IGSF10: variants seen among roughly 807,000 people sequenced by gnomAD.
The protein encoded by IGSF10 is calvaria mechanical force protein 608.
In IGSF10, 126 loss-of-function variants were observed where a neutral mutation model predicts 128.2. That is an observed-to-expected ratio of 0.98 (90% CI 0.85 to 1.14). IGSF10 has a LOEUF of 1.14. Among genes scored for constraint, IGSF10 ranks in the 50% most tolerant of loss-of-function variants. The pLI is 0.00. For missense variants in IGSF10, 3,295 were observed against 3,149.8 expected, an observed-to-expected ratio of 1.05 and a Z score of -1.10; for synonymous variants, 1,185 against 1,146.2, an observed-to-expected ratio of 1.03 and a Z score of -0.68.
intron 5 of IGSF10, among the ~76,000 whole-genome samples, chr3:151,452,453 AT>A (rs1166396890): frequency 6.6e-6 from 1 of 152,184 alleles, no homozygotes; most frequent in African/African-American, 2.4e-5. Flanking sequence ...AAGGTAACAT[AT>A]TGCACTACCA....
chr3:151,557,790 A>G, the IGSF10 span, among the ~76,000 whole-genome samples: 2 of 150,890 alleles, frequency 1.3e-5, no homozygotes, highest in Non-Finnish European at 2.9e-5. Flanking sequence ...TGGGATCGTT[A>G]TTTGCTACAA....
rs148107330 is a variant in IGSF10 at position 151,437,085 on chromosome 3, G to C, written c.7476C>G (p.Val2492=). The C allele has an allele frequency of 6.2e-7, 1 of 1,614,122 alleles. No individual in the cohort carries two copies. Among genetic ancestry groups the C allele is most frequent in the African/African-American group, 1.3e-5 (1 of 75,038 alleles). The change falls in exon 8 of 8, where the codon GTC becomes GTG. Residue 2492 remains valine (V), a synonymous_variant. Coordinates refer to ENST00000282466, the MANE Select transcript of IGSF10 (RefSeq NM_178822.5). ...TGTCATAAGCTGTTGCTTCTTTAAT[G>C]ACTAAGGTGCCATTGTCATGCAATA... ...KYILHDNGTL[V]IKEATAYDRG...
At chr3:151,602,934 C>T in the IGSF10 span, among the ~76,000 whole-genome samples, 1 of 152,156 alleles carries the variant, frequency 6.6e-6, no homozygotes, top group African/African-American at 2.4e-5. Context: ...TCAGGTAAAG[C>T]GGTTGAAGGA....
the IGSF10 span, among the ~76,000 whole-genome samples, chr3:151,548,965 A>T: frequency 6.6e-6 from 1 of 152,158 alleles, no homozygotes; most frequent in African/African-American, 2.4e-5. Flanking sequence ...TCTAAAATGT[A>T]TGCAATTTTT....
the IGSF10 span, among the ~76,000 whole-genome samples, chr3:151,527,776 CCT>C: frequency 6.8e-6 from 1 of 148,042 alleles, no homozygotes; most frequent in Non-Finnish European, 1.5e-5. Flanking sequence ...ATGGTGACAC[CCT>C]GTCTCTACAA....
In IGSF10 at chr3:151,453,549, T is replaced by G; in HGVS notation, c.550A>C (p.Ile184Leu). 6.2e-7 allele frequency: 1 copy of G among 1,613,972 alleles called. No homozygotes were observed. The highest frequency in any genetic ancestry group is 8.5e-7 in the Non-Finnish European group (1 of 1,179,914). Residue 184 changes from isoleucine (I) to leucine (L), a missense_variant, in exon 5 of 8, where the codon ATC (isoleucine) becomes CTC (leucine). By Grantham distance (5) the Ile-to-Leu change is conservative. Transcript: ENST00000282466. ...VSLSYLQIFKISFIKFLYLSD... is the reference protein window; with the variant it reads ...VSLSYLQIFKLSFIKFLYLSD... ...AAGTATAGGAACTTAATGAAAGAGA[T>G]TTTAAATATCTGGAGGTAGCTCAAA... is the stretch of plus-strand genomic sequence containing the variant.
chr3:151,435,062 C>CTTTTTTTTTTTTTTTT (rs66791814), downstream of IGSF10: 7 of 119,080 alleles, frequency 5.9e-5, no homozygotes, highest in African/African-American at 9.2e-5. Context: ...TGAGAGGTTT[C>CTTTTTTTTTTTTTTTT]TTTTTTTTTT....
At chr3:151,493,453 C>T in the IGSF10 span, among the ~76,000 whole-genome samples, 2 of 152,030 alleles carry the variant, frequency 1.3e-5, no homozygotes, top group Non-Finnish European at 2.9e-5. Context: ...ACAGAGGTGC[C>T]ATTTTTAATT....
rs1721387328 is a variant in IGSF10 at position 151,449,164 on chromosome 3, A to G, written c.817T>C (p.Ser273Pro). 6.2e-7 allele frequency: 1 copy of G among 1,614,226 alleles called. No individual in the cohort carries two copies. The highest frequency in any genetic ancestry group is 8.5e-7 in the Non-Finnish European group (1 of 1,180,044). Residue 273 changes from serine to proline, a missense_variant, in exon 6 of 8, where the codon TCA (serine) becomes CCA (proline). Coordinates refer to ENST00000282466, the MANE Select transcript of IGSF10 (RefSeq NM_178822.5). Reference sequence around the variant, plus strand: ...TTGGCACACTGGAAAGCTGCAGCTGAGACCATAGCTAACGGCTTGCCTTTA... The same window carrying G: ...TTGGCACACTGGAAAGCTGCAGCTGGGACCATAGCTAACGGCTTGCCTTTA... The part of the protein sequence containing the change: ...TSKGKPLAMV[S>P]AAAFQCAKPT...
chr3:151,474,814 C>T, the IGSF10 span, among the ~76,000 whole-genome samples: 19 of 151,894 alleles, frequency 1.3e-4, no homozygotes, highest in Non-Finnish European at 1.0e-4. Flanking sequence ...ATGTGGATGG[C>T]AGCAGGCAAA....
chr3:151,577,100 A>AT, the IGSF10 span, among the ~76,000 whole-genome samples: 2 of 152,156 alleles, frequency 1.3e-5, no homozygotes, highest in Admixed American at 1.3e-4. Context: ...CGTTATATTT[A>AT]TTCTGTCCAT....
chr3:151,470,517 C>T, the IGSF10 span, among the ~76,000 whole-genome samples: 1 of 152,200 alleles, frequency 6.6e-6, no homozygotes, highest in South Asian at 2.1e-4. Flanking sequence ...AGAGCCTTTA[C>T]CTTGGGAAGA....
rs199876929 is a variant in IGSF10 at position 151,443,723 on chromosome 3, A to G, written c.5224T>C (p.Ser1742Pro). ...DHLHVTLSVVSYPPRILERRT... is the reference protein window; with the variant it reads ...DHLHVTLSVVPYPPRILERRT... ...CTCTCCAGGATCCTGGGAGGATAGG[A>G]AACCACAGACAAGGTGACATGAAGG... The change falls in exon 7 of 8, where the codon TCC becomes CCC. Residue 1742 changes from serine to proline, a missense_variant. By Grantham distance (74) the Ser-to-Pro change is moderately conservative. Coordinates refer to ENST00000282466, the MANE Select transcript of IGSF10 (RefSeq NM_178822.5). The G allele has an allele frequency of 1.8e-4, 296 of 1,614,066 alleles. 2 individuals carry two copies. Among genetic ancestry groups the G allele is most frequent in the Non-Finnish European group, 2.4e-4 (281 of 1,180,048 alleles).
upstream of IGSF10, among the ~76,000 whole-genome samples, chr3:151,463,827 A>G (rs966190076): frequency 2.0e-5 from 3 of 152,104 alleles, no homozygotes; most frequent in African/African-American, 7.2e-5. Context: ...CTCTACAAAA[A>G]TACAAAAAAA....
chr3:151,547,584 C>G, the IGSF10 span, among the ~76,000 whole-genome samples: 1 of 152,064 alleles, frequency 6.6e-6, no homozygotes, highest in South Asian at 2.1e-4. Context: ...CTTACTGTAC[C>G]TGGTGCATAT....
chr3:151,601,668 G>A, the IGSF10 span, among the ~76,000 whole-genome samples: 1 of 152,136 alleles, frequency 6.6e-6, no homozygotes, highest in African/African-American at 2.4e-5. Context: ...AGAGGTGTGA[G>A]TCTGAGCTCA....
the IGSF10 span, among the ~76,000 whole-genome samples, chr3:151,492,071 A>C: frequency 6.6e-6 from 1 of 152,204 alleles, no homozygotes; most frequent in Admixed American, 6.5e-5. Flanking sequence ...TGAAAAGGCA[A>C]CCTACAGACT....
chr3:151,441,895 A>C (rs1720875066), intron 7 of IGSF10, among the ~76,000 whole-genome samples: 1 of 152,130 alleles, frequency 6.6e-6, no homozygotes, highest in African/African-American at 2.4e-5. Flanking sequence ...CTCCGTCTCT[A>C]CTAAAAATAC....
the IGSF10 span, chr3:151,565,903 C>A: frequency 0.48 from 72,717 of 151,582 alleles, 17,697 homozygotes; most frequent in South Asian, 0.58. Context: ...ATGACCCTCT[C>A]ACCTGATTTC....
Sources: gnomAD v4.1 joint callset for allele counts (sites outside exome capture counted in the v4.1 genomes callset) on GRCh38, gnomAD v4.1.1 for gene constraint, MANE v1.5 for transcripts, NCBI Gene and HGNC (gene_info 2026-07-23, HGNC 2026-07-21) for gene names.